The following FBXO11 variants were observed in gnomAD, a reference collection of about 807,000 sequenced individuals.
FBXO11 encodes F-box protein 11.
Under a neutral mutation model 117.0 loss-of-function variants are expected in FBXO11, and 13 were observed. That is an observed-to-expected ratio of 0.11 (90% CI 0.07 to 0.18). The LOEUF (loss-of-function observed/expected upper bound fraction) is 0.18. FBXO11 is among the 10% of genes least tolerant of loss of function. The probability of loss-of-function intolerance (pLI) is 1.00; values close to 1 mark genes in which losing one functional copy is unlikely to be tolerated. For synonymous variants in FBXO11, 490 were observed against 380.5 expected (o/e 1.29, Z -3.35); for missense variants, 767 against 1,164.4 (o/e 0.66, Z 4.97).
chr2:47,820,525 A>G (rs1413408081), intron 13 of FBXO11, 69 bp from the exon 14 acceptor site: 3 of 1,184,884 alleles, frequency 2.5e-6, no homozygotes, highest in Non-Finnish European at 2.4e-6. Flanking sequence ...ATTTTACATT[A>G]GGTAGTGGTT....
intron 1 of FBXO11, among the ~76,000 whole-genome samples, chr2:47,840,538 CCTCTTGGCCTCAAG>C (rs1672938232): frequency 6.7e-6 from 1 of 149,598 alleles, no homozygotes; most frequent in Non-Finnish European, 1.5e-5. Context: ...GCAGCCTCAA[CCTCTTGGCCTCAAG>C]CAATCCTCCT....
At position 47,905,887 on chromosome 2, in the gene FBXO11, G is replaced by C; in HGVS notation, c.-167C>G. On this transcript the variant is annotated 5_prime_UTR_variant, in exon 1 of 23. Coordinates refer to ENST00000403359, the MANE Select transcript of FBXO11 (RefSeq NM_001190274.2). ...GCGGAGGGGGCGAGCGGGACCCCGA[G>C]TCCGGAGAAAGGCCCGGGTAGACAG... 1.3e-6 allele frequency: 1 copy of C among 750,164 alleles called. No individual in the cohort carries two copies. Among genetic ancestry groups the C allele is most frequent in the Non-Finnish European group, 2.0e-6 (1 of 504,564 alleles). 46.5% of individuals were successfully genotyped at this position (750,164 alleles called of 1,614,324 possible).
chr2:47,900,633 C>A, intron 1 of FBXO11, among the ~76,000 whole-genome samples: 1 of 36,304 alleles, frequency 2.8e-5, no homozygotes, highest in Middle Eastern at 0.014. Flanking sequence ...CGTATACACA[C>A]ACGTACGTAT....
At chr2:47,857,870 C>A (rs529584619) in intron 1 of FBXO11, among the ~76,000 whole-genome samples, 1 of 152,226 alleles carries the variant, frequency 6.6e-6, no homozygotes, top group South Asian at 2.1e-4. Flanking sequence ...GCTGGAAATA[C>A]AAGAATCATA....
At chr2:47,888,027 T>C (rs77129531) in intron 1 of FBXO11, among the ~76,000 whole-genome samples, 1 of 151,490 alleles carries the variant, frequency 6.6e-6, no homozygotes, top group Admixed American at 6.6e-5. Flanking sequence ...AAAAAAAAAA[T>C]CCCTAAAAAA....
chr2:47,844,075 CT>C (rs1199428547), intron 1 of FBXO11, among the ~76,000 whole-genome samples: 2 of 152,126 alleles, frequency 1.3e-5, no homozygotes, highest in African/African-American at 4.8e-5. Flanking sequence ...TATTGCTAGA[CT>C]TTTGCTTTTC....
chr2:47,849,536 G>C (rs1034135713), intron 1 of FBXO11, among the ~76,000 whole-genome samples: 4 of 152,172 alleles, frequency 2.6e-5, no homozygotes, highest in African/African-American at 9.7e-5. Context: ...GGTGACACAG[G>C]TCAATCAAAC....
chr2:47,834,679 C>T lies in FBXO11; in HGVS notation c.834G>A (p.Gly278=). ...YYDTIEDALG[G]VQEAHFDGLI... is the part of the protein sequence containing the mutation. ...GTCCATCAAAATGAGCCTCTTGTAC[C>T]CCACCAAGGGCATCTTCAATAGTAT... The change falls in exon 7 of 23, where the codon GGG becomes GGA. Residue 278 remains glycine (G), a synonymous_variant. Transcript: ENST00000403359. The T allele has an allele frequency of 1.2e-6, 2 of 1,612,198 alleles. No individual in the cohort carries two copies. The highest frequency in any genetic ancestry group is 1.3e-5 in the African/African-American group (1 of 74,862).
At chr2:47,841,583 G>A (rs1673013292) in intron 1 of FBXO11, among the ~76,000 whole-genome samples, 1 of 152,088 alleles carries the variant, frequency 6.6e-6, no homozygotes, top group South Asian at 2.1e-4. Context: ...AACAGTGGGA[G>A]AAAAATAAGG....
intron 1 of FBXO11, among the ~76,000 whole-genome samples, chr2:47,872,985 A>G (rs755641173): frequency 6.6e-6 from 1 of 152,192 alleles, no homozygotes; most frequent in Non-Finnish European, 1.5e-5. Context: ...ACTGGGGCAC[A>G]GGGCTCCACA....
At chr2:47,881,310 G>A (rs2103904435) in intron 1 of FBXO11, among the ~76,000 whole-genome samples, 1 of 152,242 alleles carries the variant, frequency 6.6e-6, no homozygotes, top group African/African-American at 2.4e-5. Context: ...TGTTATGTAT[G>A]TGGTTATATA....
intron 1 of FBXO11, among the ~76,000 whole-genome samples, chr2:47,898,188 G>A (rs1358400776): frequency 2.6e-5 from 4 of 152,160 alleles, no homozygotes; most frequent in African/African-American, 9.7e-5. Flanking sequence ...CGTTTTAAAT[G>A]CAATTAATGC....
chr2:47,846,196 G>A (rs776105752), intron 1 of FBXO11, among the ~76,000 whole-genome samples: 1 of 152,198 alleles, frequency 6.6e-6, no homozygotes, highest in Non-Finnish European at 1.5e-5. Flanking sequence ...GCCAGGCGTG[G>A]TGGCTCATGC....
At chr2:47,830,354 C>A (rs1038624981) in intron 11 of FBXO11, among the ~76,000 whole-genome samples, 2 of 151,800 alleles carry the variant, frequency 1.3e-5, no homozygotes, top group Non-Finnish European at 1.5e-5. Flanking sequence ...AGAATTCAAG[C>A]TACAATATCC....
intron 1 of FBXO11, among the ~76,000 whole-genome samples, chr2:47,842,609 G>C (rs1047592133): frequency 3.1e-4 from 47 of 152,170 alleles, no homozygotes; most frequent in African/African-American, 1.1e-3. Flanking sequence ...AAAGATAAGA[G>C]TATGTTATAA....
In FBXO11 at chr2:47,833,042, T is replaced by C. The variant is rs752059138; in HGVS notation, c.963A>G (p.Ile321Met). ...AAPGKVADKVIIENTRDSTFV... is the reference protein window; with the variant it reads ...AAPGKVADKVMIENTRDSTFV... The stretch of plus-strand genomic sequence containing the variant: ...AGGTTGAATCTCTAGTGTTTTCAAT[T>C]ATAACTTTGTCTGCCACTTTCCCAG... The change falls in exon 8 of 23, where the codon ATA (isoleucine) becomes ATG (methionine). Residue 321 changes from isoleucine to methionine, a missense_variant. This residue lies in a region of FBXO11 where 123 missense variants were observed against 145.0 expected (regional missense o/e 0.85). Transcript: ENST00000403359. 7 of 1,613,434 alleles carry C rather than the reference T, an allele frequency of 4.3e-6. No individual in the cohort carries two copies. The Middle Eastern group carries it at 6.7e-4, about 154-fold the overall frequency.
intron 1 of FBXO11, among the ~76,000 whole-genome samples, chr2:47,889,080 T>C (rs1400218310): frequency 6.6e-6 from 1 of 151,998 alleles, no homozygotes; most frequent in Non-Finnish European, 1.5e-5. Flanking sequence ...CTAGCAGTAC[T>C]TTTTTTTATA....
chr2:47,813,469 T>A, intron 17 of FBXO11, 92 bp from the exon 18 acceptor site: 1 of 826,316 alleles, frequency 1.2e-6, no homozygotes, highest in African/African-American at 2.2e-5. Flanking sequence ...CTCGCTCTGT[T>A]GCCAGGCTGG....
chr2:47,810,465 A>G (rs758861900), intron 18 of FBXO11, 39 bp from the exon 19 acceptor site: 22 of 1,279,464 alleles, frequency 1.7e-5, no homozygotes, highest in Non-Finnish European at 1.8e-5. Flanking sequence ...GCTAATGCAT[A>G]TAACAGACTA....
Sources: gnomAD v4.1 joint callset for allele counts (sites outside exome capture counted in the v4.1 genomes callset) on GRCh38, gnomAD v4.1.1 for gene constraint, gnomAD v4.1.1 regional missense constraint, MANE v1.5 for transcripts, NCBI Gene and HGNC (gene_info 2026-07-23, HGNC 2026-07-21) for gene names.